The following SHB variants were observed in gnomAD, a reference collection of about 807,000 sequenced individuals.
SHB encodes the protein SH2 domain-containing adapter protein B.
Under a neutral mutation model 52.3 loss-of-function variants are expected in SHB, and 20 were observed. That is an observed-to-expected ratio of 0.38 (90% confidence interval 0.27 to 0.56). The LOEUF (loss-of-function observed/expected upper bound fraction) is 0.56. Among genes scored for constraint, SHB ranks in the 20% least tolerant of loss-of-function variants. The pLI is 0.71. For synonymous variants in SHB, 397 were observed against 316.5 expected, an observed-to-expected ratio of 1.25 and a Z score of -2.70; for missense variants, 825 against 723.3, an observed-to-expected ratio of 1.14 and a Z score of -1.61.
rs1048288914 is a variant in SHB at position 37,974,382 on chromosome 9, T to C, written c.1054+240A>G. 1.1e-3 allele frequency among the ~76,000 whole-genome samples: 174 copies of C among 152,200 alleles called. 2 individuals are homozygous for C. The highest frequency in any genetic ancestry group is 2.9e-4 in the Non-Finnish European group (20 of 68,014). Reference sequence around the variant, plus strand: ...GAGCATCTGAGCCCTCTCTTTAAAGTGTGGAGGCTGGAACACTGAGACCCT... The same window carrying C: ...GAGCATCTGAGCCCTCTCTTTAAAGCGTGGAGGCTGGAACACTGAGACCCT... On this transcript the variant is annotated intron_variant, in intron 3 of 5. Coordinates refer to ENST00000377707, the MANE Select transcript of SHB (RefSeq NM_003028.3).
chr9:37,927,425 C>G (rs1179693090), intron 5 of SHB, among the ~76,000 whole-genome samples: 1 of 152,228 alleles, frequency 6.6e-6, no homozygotes, highest in African/African-American at 2.4e-5. Flanking sequence ...TCAATAGACG[C>G]ATCAGCAGCG....
At chr9:37,989,969 CATCTGGAT>C (rs1170721570) in intron 2 of SHB, among the ~76,000 whole-genome samples, 1 of 152,158 alleles carries the variant, frequency 6.6e-6, no homozygotes, top group Non-Finnish European at 1.5e-5. Flanking sequence ...TGGAAGGAAA[CATCTGGAT>C]AATCAACATT....
At chr9:37,984,720 CTAAT>C (rs1289864833) in intron 2 of SHB, among the ~76,000 whole-genome samples, 1 of 152,172 alleles carries the variant, frequency 6.6e-6, no homozygotes, top group Non-Finnish European at 1.5e-5. Context: ...GCGGTTCTTC[CTAAT>C]TAGACACGCC....
intron 2 of SHB, among the ~76,000 whole-genome samples, chr9:37,994,865 C>A (rs1820929039): frequency 6.6e-6 from 1 of 152,098 alleles, no homozygotes. Context: ...ATCTACCTCA[C>A]CGTGAAATAT....
At chr9:38,063,828 A>T (rs1173244065) in intron 1 of SHB, among the ~76,000 whole-genome samples, 4 of 146,490 alleles carry the variant, frequency 2.7e-5, no homozygotes, top group African/African-American at 7.6e-5. Flanking sequence ...GTTAGACATG[A>T]TATTATTTAT....
At chr9:38,010,167 CAG>C (rs1042431095) in intron 2 of SHB, among the ~76,000 whole-genome samples, 2 of 152,186 alleles carry the variant, frequency 1.3e-5, no homozygotes, top group African/African-American at 4.8e-5. Context: ...ATCTGAGGCT[CAG>C]TATTCTCCTC....
At chr9:38,062,965 A>T (rs1821914194) in intron 1 of SHB, among the ~76,000 whole-genome samples, 1 of 152,238 alleles carries the variant, frequency 6.6e-6, no homozygotes, top group Non-Finnish European at 1.5e-5. Context: ...TTTGTTATGT[A>T]GCAACAGCTA....
intron 1 of SHB, among the ~76,000 whole-genome samples, chr9:38,023,457 A>G (rs1821305255): frequency 6.6e-6 from 1 of 152,226 alleles, no homozygotes; most frequent in Non-Finnish European, 1.5e-5. Flanking sequence ...GATGAAGGTA[A>G]GTGCGGTGAG....
At chr9:37,933,870 C>T (rs1832339825) in intron 5 of SHB, among the ~76,000 whole-genome samples, 1 of 152,252 alleles carries the variant, frequency 6.6e-6, no homozygotes, top group African/African-American at 2.4e-5. Context: ...CGAGCTCTAG[C>T]TCCTGCAGGC....
At chr9:37,934,729 T>C (rs1410429200) in intron 5 of SHB, among the ~76,000 whole-genome samples, 1 of 152,240 alleles carries the variant, frequency 6.6e-6, no homozygotes, top group East Asian at 1.9e-4. Flanking sequence ...TCCTCTCATG[T>C]TGGACACTCA....
At chr9:37,924,820 G>A (rs1832228551) in intron 5 of SHB, among the ~76,000 whole-genome samples, 1 of 152,212 alleles carries the variant, frequency 6.6e-6, no homozygotes, top group Non-Finnish European at 1.5e-5. Flanking sequence ...TGAGGCTCAG[G>A]AAAATTGTGT....
intron 1 of SHB, among the ~76,000 whole-genome samples, chr9:38,048,467 C>G (rs1382733390): frequency 6.6e-6 from 1 of 152,048 alleles, no homozygotes; most frequent in East Asian, 1.9e-4. Flanking sequence ...GAGCCTGACT[C>G]TACATAAAAT....
rs957493551 is a variant in SHB, at chr9:37,917,661, C to G, written c.*2160G>C. ...GGCCAAGTGCCAACTCCTCACTCAT[C>G]TTGTCATTTCCCACCTACCTTCCCA... On this transcript the variant is annotated 3_prime_UTR_variant, in exon 6 of 6. Transcript: ENST00000377707. Among the ~76,000 whole-genome samples the G allele has an allele frequency of 6.6e-6, 1 of 152,258 alleles. No individual in the cohort carries two copies. The highest frequency in any genetic ancestry group is 1.5e-5 in the Non-Finnish European group (1 of 68,050).
Position 38,068,477 on chromosome 9 carries a change from G to A in SHB, c.169C>T (p.Pro57Ser). 7 of 1,507,784 alleles carry A rather than the reference G, an allele frequency of 4.6e-6. No homozygotes were observed. The highest frequency in any genetic ancestry group is 4.4e-6 in the Non-Finnish European group (5 of 1,133,866). 93.4% of individuals were successfully genotyped at this position (1,507,784 alleles called of 1,614,324 possible). A position where few individuals can be genotyped will look rare whatever the true frequency, so the allele number is the denominator to read the frequency against. ...GCTGAGAAGCAGGAGGCGGTGGCCG[G>A]ACCGCAGGACGCCGAGGCGGCGGAG... The part of the protein sequence containing the change: ...ASSAASASCG[P>S]ATASCFSASS... The change falls in exon 1 of 6, where the codon CCG becomes TCG. Residue 57 changes from proline (P) to serine (S), a missense_variant. Coordinates refer to ENST00000377707, the MANE Select transcript of SHB (RefSeq NM_003028.3).
intron 2 of SHB, among the ~76,000 whole-genome samples, chr9:37,995,846 G>A (rs928539851): frequency 9.9e-5 from 15 of 152,064 alleles, no homozygotes; most frequent in African/African-American, 3.4e-4. Flanking sequence ...ACTCCCTTAC[G>A]TTTGCCAGAG....
At chr9:37,988,224 C>T (rs145757106) in intron 2 of SHB, among the ~76,000 whole-genome samples, 55 of 152,304 alleles carry the variant, frequency 3.6e-4, no homozygotes, top group Non-Finnish European at 6.5e-4. Context: ...TTCTGGATAA[C>T]AATGACGAGG....
intron 5 of SHB, among the ~76,000 whole-genome samples, chr9:37,935,218 T>C (rs1230366820): frequency 6.6e-6 from 1 of 152,206 alleles, no homozygotes; most frequent in East Asian, 1.9e-4. Context: ...AATCCTACAC[T>C]GCCTCGAGTT....
chr9:37,988,679 A>G (rs1363368614), intron 2 of SHB, among the ~76,000 whole-genome samples: 1 of 152,172 alleles, frequency 6.6e-6, no homozygotes, highest in African/African-American at 2.4e-5. Context: ...TGGGGTGCCC[A>G]GATAGTTCGT....
intron 2 of SHB, among the ~76,000 whole-genome samples, chr9:37,993,246 G>A (rs1015825740): frequency 2.6e-5 from 4 of 152,116 alleles, no homozygotes; most frequent in African/African-American, 7.2e-5. Context: ...CGATGGGAAC[G>A]GATGCCTACT....
Sources: gnomAD v4.1 joint callset for allele counts (sites outside exome capture counted in the v4.1 genomes callset) on GRCh38, gnomAD v4.1.1 for gene constraint, MANE v1.5 for transcripts, NCBI Gene and HGNC (gene_info 2026-07-23, HGNC 2026-07-21) for gene names.